The following PACRG variants were observed in gnomAD, a reference collection of about 807,000 sequenced individuals.
PACRG encodes parkin coregulated gene protein.
PACRG carries 29 observed loss-of-function variants against 29.7 expected under a neutral mutation model. The ratio of observed to expected loss-of-function variants is 0.98; its 90% CI spans 0.73 to 1.33. The LOEUF is 1.33. Among genes scored for constraint, PACRG ranks in the 40% most tolerant of loss-of-function variants. The pLI, the probability that PACRG is intolerant of heterozygous loss-of-function variation, is 0.00. For synonymous variants in PACRG, 116 were observed against 118.7 expected (o/e 0.98, Z 0.15); for missense variants, 279 against 316.2 (o/e 0.88, Z 0.89).
At chr6:163,193,961 C>G (rs1433590814) in intron 4 of PACRG, among the ~76,000 whole-genome samples, 1 of 148,902 alleles carries the variant, frequency 6.7e-6, no homozygotes, top group Non-Finnish European at 1.5e-5. Flanking sequence ...GCCGCGATCT[C>G]GGCTCAGTGC....
intron 2 of PACRG, among the ~76,000 whole-genome samples, chr6:162,830,903 TA>T (rs1369121248): frequency 6.6e-6 from 1 of 152,200 alleles, no homozygotes; most frequent in Non-Finnish European, 1.5e-5. Context: ...AGCTCTCCTT[TA>T]TTTAGTCATG....
At chr6:162,956,881 A>T (rs983183329) in intron 2 of PACRG, among the ~76,000 whole-genome samples, 5 of 152,174 alleles carry the variant, frequency 3.3e-5, no homozygotes, top group Non-Finnish European at 7.3e-5. Context: ...GGGGAGGGAC[A>T]CAGTGTAACC....
At chr6:163,227,785 G>C (rs1781863272) in intron 4 of PACRG, among the ~76,000 whole-genome samples, 1 of 152,154 alleles carries the variant, frequency 6.6e-6, no homozygotes, top group Non-Finnish European at 1.5e-5. Flanking sequence ...CCCTCCCTGT[G>C]GCGAGAATGA....
intron 2 of PACRG, among the ~76,000 whole-genome samples, chr6:162,867,152 C>T (rs2128448659): frequency 6.6e-6 from 1 of 152,242 alleles, no homozygotes; most frequent in African/African-American, 2.4e-5. Flanking sequence ...CTCAATTGCC[C>T]CTGAGAAGTG....
chr6:163,253,807 GCACA>G (rs1416419592), intron 4 of PACRG, among the ~76,000 whole-genome samples: 1 of 152,212 alleles, frequency 6.6e-6, no homozygotes, highest in African/African-American at 2.4e-5. Context: ...CATTCTTGGG[GCACA>G]CATTTCCGAG....
chr6:163,276,359 C>G (rs1784026796), intron 4 of PACRG, among the ~76,000 whole-genome samples: 1 of 152,152 alleles, frequency 6.6e-6, no homozygotes, highest in Admixed American at 6.5e-5. Flanking sequence ...AATCATGAAA[C>G]AGCACAAGGT....
At chr6:163,194,524 G>A (rs1367858723) in intron 4 of PACRG, among the ~76,000 whole-genome samples, 2 of 152,130 alleles carry the variant, frequency 1.3e-5, no homozygotes, top group Non-Finnish European at 2.9e-5. Context: ...CAAGCCACAG[G>A]CCACCTGCCA....
chr6:162,908,311 T>A (rs1282247963), intron 2 of PACRG, among the ~76,000 whole-genome samples: 1 of 152,246 alleles, frequency 6.6e-6, no homozygotes, highest in Non-Finnish European at 1.5e-5. Context: ...AAAGCATGCA[T>A]TTCTGCAAAA....
At chr6:163,245,656 G>C (rs948829922) in intron 4 of PACRG, among the ~76,000 whole-genome samples, 1 of 152,112 alleles carries the variant, frequency 6.6e-6, no homozygotes, top group African/African-American at 2.4e-5. Context: ...TGCACTGATG[G>C]TTCCCTCATT....
intron 2 of PACRG, among the ~76,000 whole-genome samples, chr6:163,053,404 A>G (rs1186968552): frequency 6.6e-6 from 1 of 152,148 alleles, no homozygotes; most frequent in Admixed American, 6.6e-5. Context: ...ATTGTTATTT[A>G]TATGGACAGA....
At chr6:163,050,179 C>G (rs1472132721) in intron 2 of PACRG, among the ~76,000 whole-genome samples, 1 of 151,970 alleles carries the variant, frequency 6.6e-6, no homozygotes, top group Non-Finnish European at 1.5e-5. Context: ...GGATATTTAC[C>G]CAGCCTTCAA....
At chr6:162,970,250 A>G (rs1801411970) in intron 2 of PACRG, among the ~76,000 whole-genome samples, 1 of 152,168 alleles carries the variant, frequency 6.6e-6, no homozygotes, top group South Asian at 2.1e-4. Context: ...ATCCCCAGAA[A>G]TGGCTTGAAA....
At chr6:163,148,962 G>GC (rs1777933439) in intron 4 of PACRG, among the ~76,000 whole-genome samples, 1 of 47,628 alleles carries the variant, frequency 2.1e-5, no homozygotes, top group East Asian at 9.2e-4. Flanking sequence ...AATCTATGGC[G>GC]GGGGGGGGGG....
At chr6:163,269,955 G>GAAAAC (rs1365678134) in intron 4 of PACRG, among the ~76,000 whole-genome samples, 12 of 49,276 alleles carry the variant, frequency 2.4e-4, no homozygotes, top group East Asian at 1.2e-3. Flanking sequence ...AAGAAAGAAA[G>GAAAAC]AAAGAAAGAA....
chr6:162,899,094 A>C (rs1050170501), intron 2 of PACRG, among the ~76,000 whole-genome samples: 3 of 152,184 alleles, frequency 2.0e-5, no homozygotes, highest in Non-Finnish European at 4.4e-5. Context: ...ATTGTAGTAC[A>C]CCAACTCTGG....
intron 4 of PACRG, among the ~76,000 whole-genome samples, chr6:163,263,702 T>C (rs920835704): frequency 5.3e-5 from 8 of 152,240 alleles, no homozygotes; most frequent in African/African-American, 1.9e-4. Context: ...AATTTTATAT[T>C]TGAATGCAAT....
chr6:163,165,828 A>C, intron 4 of PACRG: 1 of 302,296 alleles, frequency 3.3e-6, no homozygotes. Flanking sequence ...CGAGGGGACC[A>C]GGGAGGCCTC....
chr6:163,198,242 G>A (rs1287562356), intron 4 of PACRG, among the ~76,000 whole-genome samples: 2 of 152,214 alleles, frequency 1.3e-5, no homozygotes. Context: ...TTTTGATTAT[G>A]AGAATTTTAC....
chr6:163,214,433 A>G (rs1425748196), intron 4 of PACRG, among the ~76,000 whole-genome samples: 1 of 152,090 alleles, frequency 6.6e-6, no homozygotes, highest in African/African-American at 2.4e-5. Context: ...GAATTTACAG[A>G]ACACTTTGGG....
Sources: gnomAD v4.1 joint callset for allele counts (sites outside exome capture counted in the v4.1 genomes callset) on GRCh38, gnomAD v4.1.1 for gene constraint, MANE v1.5 for transcripts, NCBI Gene and HGNC (gene_info 2026-07-23, HGNC 2026-07-21) for gene names.